The following CYSTM1 variants were observed in gnomAD, a reference collection of about 807,000 sequenced individuals.
CYSTM1 encodes cysteine-rich transmembrane module-containing protein 1.
CYSTM1 carries 4 observed loss-of-function variants against 13.1 expected under a neutral mutation model. The observed-to-expected ratio is 0.31, with a 90% confidence interval of 0.15 to 0.70. CYSTM1 has a LOEUF of 0.70. Ranked by LOEUF, CYSTM1 falls within the 30% of genes least tolerant of loss-of-function variation. The pLI, the probability that CYSTM1 is intolerant of heterozygous loss-of-function variation, is 0.72. For synonymous variants in CYSTM1, 36 were observed against 42.7 expected (o/e 0.84, Z 0.62); for missense variants, 96 against 121.6 (o/e 0.79, Z 0.99).
intron 1 of CYSTM1, among the ~76,000 whole-genome samples, chr5:140,180,671 C>A (rs1245007508): frequency 6.6e-6 from 1 of 151,982 alleles, no homozygotes; most frequent in African/African-American, 2.4e-5. Flanking sequence ...ATTTAGGCCT[C>A]CAAGTCAGAT....
chr5:140,208,784 A>C (rs1298480916), intron 2 of CYSTM1, among the ~76,000 whole-genome samples: 1 of 152,204 alleles, frequency 6.6e-6, no homozygotes, highest in Admixed American at 6.5e-5. Flanking sequence ...TCACGCCTAT[A>C]ATCCCAGCAC....
chr5:140,199,028 C>T (rs981996913), intron 2 of CYSTM1, among the ~76,000 whole-genome samples: 1 of 152,086 alleles, frequency 6.6e-6, no homozygotes, highest in Non-Finnish European at 1.5e-5. Flanking sequence ...CTTTGTTCAG[C>T]TCCCACTTAT....
intron 1 of CYSTM1, among the ~76,000 whole-genome samples, chr5:140,185,915 A>G (rs1764010752): frequency 6.6e-6 from 1 of 152,210 alleles, no homozygotes; most frequent in Admixed American, 6.5e-5. Context: ...TTGGGCTTCT[A>G]CTTATACTTC....
At chr5:140,195,679 C>A (rs1020561408) in intron 2 of CYSTM1, among the ~76,000 whole-genome samples, 16 of 150,720 alleles carry the variant, frequency 1.1e-4, no homozygotes, top group African/African-American at 3.4e-4. Context: ...GATCCGCCCC[C>A]CTTGGCCTTC....
intron 2 of CYSTM1, among the ~76,000 whole-genome samples, chr5:140,233,313 G>T (rs999045252): frequency 3.9e-5 from 6 of 152,150 alleles, no homozygotes; most frequent in Admixed American, 3.9e-4. Flanking sequence ...TTAACTGCTG[G>T]TGTATTCTAT....
intron 2 of CYSTM1, among the ~76,000 whole-genome samples, chr5:140,221,722 G>GTTT: frequency 6.6e-6 from 1 of 152,300 alleles, no homozygotes; most frequent in Non-Finnish European, 1.5e-5. Flanking sequence ...TTGGGTAAGG[G>GTTT]TTTAAAGCAC....
rs928481447 is a variant in CYSTM1 at position 140,229,774 on chromosome 5, T to G, written c.188-13531T>G. Among the ~76,000 whole-genome samples, 5 of 152,166 alleles carry G rather than the reference T, an allele frequency of 3.3e-5. No individual in the cohort carries two copies. In the South Asian group the frequency reaches 6.2e-4, roughly 19 times the overall value. ...GTGCAATGGCATGATCTTGGCTCACTGCAACCTCCGCCTCCCTGGTTCAAG... is the reference window on the plus strand; with the variant it reads ...GTGCAATGGCATGATCTTGGCTCACGGCAACCTCCGCCTCCCTGGTTCAAG... On this transcript the variant is annotated intron_variant, in intron 2 of 2. Coordinates refer to ENST00000261811, the MANE Select transcript of CYSTM1 (RefSeq NM_032412.4).
At chr5:140,241,861 T>C (rs1169660175) in intron 2 of CYSTM1, among the ~76,000 whole-genome samples, 1 of 152,144 alleles carries the variant, frequency 6.6e-6, no homozygotes, top group Non-Finnish European at 1.5e-5. Context: ...CTCTTTCTGA[T>C]CCCTTTTCTA....
chr5:140,197,325 T>A (rs761166304), intron 2 of CYSTM1, among the ~76,000 whole-genome samples: 3 of 152,260 alleles, frequency 2.0e-5, no homozygotes, highest in Non-Finnish European at 4.4e-5. Context: ...TTAATTCTTT[T>A]TAGGGTTAAA....
intron 2 of CYSTM1, among the ~76,000 whole-genome samples, chr5:140,203,889 C>T (rs62383939): frequency 9.5e-4 from 144 of 152,224 alleles, no homozygotes; most frequent in Non-Finnish European, 1.2e-3. Flanking sequence ...TTTCACTAAG[C>T]GTGAATACAG....
At chr5:140,184,866 T>C (rs1230563615) in intron 1 of CYSTM1, among the ~76,000 whole-genome samples, 4 of 152,184 alleles carry the variant, frequency 2.6e-5, no homozygotes, top group Admixed American at 6.5e-5. Context: ...AAGTTTAGTA[T>C]TGGAGGGAGA....
At chr5:140,190,705 G>A (rs753275233) in intron 1 of CYSTM1, among the ~76,000 whole-genome samples, 1 of 152,146 alleles carries the variant, frequency 6.6e-6, no homozygotes, top group African/African-American at 2.4e-5. Flanking sequence ...TCATTGTGTG[G>A]TTGAATGACT....
chr5:140,201,154 T>G (rs914232157), intron 2 of CYSTM1: 1 of 152,248 alleles, frequency 6.6e-6, no homozygotes, highest in Non-Finnish European at 1.5e-5. Context: ...TATAAACATT[T>G]GTATAAAATA....
intron 1 of CYSTM1, among the ~76,000 whole-genome samples, chr5:140,182,394 C>A (rs1430263647): frequency 3.3e-5 from 5 of 152,076 alleles, no homozygotes; most frequent in Non-Finnish European, 7.4e-5. Flanking sequence ...AATGAAGAAT[C>A]TAGGAGGTAA....
chr5:140,226,246 G>T (rs987105804), intron 2 of CYSTM1, among the ~76,000 whole-genome samples: 9 of 151,904 alleles, frequency 5.9e-5, no homozygotes, highest in Admixed American at 5.3e-4. Flanking sequence ...AGAAGAAACT[G>T]AGGGTTGGAG....
At chr5:140,234,574 A>G (rs918020500) in intron 2 of CYSTM1, among the ~76,000 whole-genome samples, 3 of 152,130 alleles carry the variant, frequency 2.0e-5, no homozygotes, top group African/African-American at 7.2e-5. Flanking sequence ...CTGCCCATTC[A>G]TTTGCTGGGT....
chr5:140,199,640 G>A (rs996912686), intron 2 of CYSTM1, among the ~76,000 whole-genome samples: 4 of 152,136 alleles, frequency 2.6e-5, no homozygotes, highest in Non-Finnish European at 5.9e-5. Context: ...ACAGGCATGC[G>A]CCACCATGGC....
intron 1 of CYSTM1, among the ~76,000 whole-genome samples, chr5:140,192,004 C>A (rs574411718): frequency 7.9e-5 from 12 of 152,128 alleles, no homozygotes; most frequent in Admixed American, 2.0e-4. Flanking sequence ...AGTTGCAGAC[C>A]AGAGCGCAGA....
At chr5:140,217,607 A>T (rs1307847898) in intron 2 of CYSTM1, among the ~76,000 whole-genome samples, 1 of 152,136 alleles carries the variant, frequency 6.6e-6, no homozygotes, top group Non-Finnish European at 1.5e-5. Flanking sequence ...CTTTCTAGAA[A>T]ATTCAGAGTA....
Sources: gnomAD v4.1 joint callset for allele counts (sites outside exome capture counted in the v4.1 genomes callset) on GRCh38, gnomAD v4.1.1 for gene constraint, MANE v1.5 for transcripts, NCBI Gene and HGNC (gene_info 2026-07-23, HGNC 2026-07-21) for gene names.